The following PLXNB2 variants were observed in gnomAD, a reference collection of about 807,000 sequenced individuals.
PLXNB2 encodes plexin-B2.
A neutral mutation model predicts 202.6 loss-of-function variants in PLXNB2; 85 were observed. That is an observed-to-expected ratio of 0.42 (90% confidence interval 0.35 to 0.50). The LOEUF is 0.50. PLXNB2 is among the 20% of genes least tolerant of loss of function. The probability of loss-of-function intolerance (pLI) is 0.02; values close to 1 mark genes in which losing one functional copy is unlikely to be tolerated. For missense variants in PLXNB2, 2,063 were observed against 2,586.2 expected (o/e 0.80, Z 4.39); for synonymous variants, 1,239 against 1,137.6 (o/e 1.09, Z -1.79).
rs1242017173 is a variant in PLXNB2, at chr22:50,280,895, G to A, written c.3842C>T (p.Thr1281Ile). ...GGAGGGCAGGAAGAAGACGCGGTCGGTGTAGGTCTTGTAGTCCAGCACGGG... is the reference window on the plus strand; with the variant it reads ...GGAGGGCAGGAAGAAGACGCGGTCGATGTAGGTCTTGTAGTCCAGCACGGG... ...GIPVLDYKTY[T>I]DRVFFLPSKD... The change falls in exon 24 of 37, where the codon ACC becomes ATC. Residue 1281 changes from threonine (T) to isoleucine (I), a missense_variant. Transcript: ENST00000359337. The A allele has an allele frequency of 3.1e-6, 5 of 1,613,566 alleles. No individual in the cohort carries two copies. The highest frequency in any genetic ancestry group is 2.2e-5 in the South Asian group (2 of 91,090).
At chr22:50,278,718 C>G (rs1472748635) in intron 28 of PLXNB2, 22 bp from the exon 29 acceptor site, 1 of 1,601,060 alleles carries the variant, frequency 6.2e-7, no homozygotes, top group East Asian at 2.3e-5. Context: ...GACAGCCCAG[C>G]TTGGGCCCCA....
At position 50,302,674 on chromosome 22, in the gene PLXNB2, C is replaced by A. The variant is rs115367753; in HGVS notation, c.-74+4879G>T. ...CCAACATAGGAGTGGGGAGGCCAAG[C>A]CCCTCAGCTCCCCTGGCCAATCTCT... On this transcript the variant is annotated intron_variant, in intron 1 of 36. Transcript: ENST00000359337. Among the ~76,000 whole-genome samples, 1,380 of 152,274 alleles carry A rather than the reference C, an allele frequency of 9.1e-3. 32 individuals carry two copies. The highest frequency in any genetic ancestry group is 0.031 in the African/African-American group (1,303 of 41,554).
chr22:50,294,954 C>T (rs1326863837), intron 1 of PLXNB2, among the ~76,000 whole-genome samples, 176 bp from the exon 2 acceptor site: 2 of 152,222 alleles, frequency 1.3e-5, no homozygotes, highest in East Asian at 3.8e-4. Context: ...TCCAGGGCTC[C>T]TGGCACTCCC....
chr22:50,278,044 G>C, intron 31 of PLXNB2, 31 bp from the exon 32 acceptor site: 1 of 1,603,134 alleles, frequency 6.2e-7, no homozygotes, highest in Non-Finnish European at 8.5e-7. Flanking sequence ...GCGTGACGCC[G>C]TGGGCGCGGC....
Position 50,275,871 on chromosome 22 carries a change from C to T in PLXNB2, c.5412+18G>A. 6.2e-7 allele frequency: 1 copy of T among 1,610,978 alleles called. No individual in the cohort carries two copies. The highest frequency in any genetic ancestry group is 8.5e-7 in the Non-Finnish European group (1 of 1,178,464). On this transcript the variant is annotated intron_variant, in intron 36 of 36. Transcript: ENST00000359337. Reference sequence around the variant, plus strand: ...CCCAGCACCCCACCTGCCCCCGCCCCCGGGGGCCTGACCCTACCTCGTCAT... The same window carrying T: ...CCCAGCACCCCACCTGCCCCCGCCCTCGGGGGCCTGACCCTACCTCGTCAT...
intron 1 of PLXNB2, among the ~76,000 whole-genome samples, chr22:50,304,137 A>G (rs1174205462): frequency 1.3e-5 from 2 of 152,104 alleles, no homozygotes; most frequent in Non-Finnish European, 2.9e-5. Flanking sequence ...TGCGAAACAG[A>G]ACCCCCAGCT....
chr22:50,284,368 G>C lies in PLXNB2; in HGVS notation c.2182-155C>G. The C allele has an allele frequency of 1.3e-6, 1 of 770,980 alleles. No homozygotes were observed. The highest frequency in any genetic ancestry group is 2.1e-5 in the Admixed American group (1 of 47,946). The allele number at this position is 770,980 out of a possible 1,614,324, so 47.8% of individuals were successfully genotyped here. A position where few individuals can be genotyped will look rare whatever the true frequency, so the allele number is the denominator to read the frequency against. On this transcript the variant is annotated intron_variant, in intron 12 of 36. Transcript: ENST00000359337. This position sits in a 1 kb window ranked among gnomAD's most constrained non-coding sequence, Gnocchi z 8.0. ...GTGTCGGAAGTTCGGGAACCCCATG[G>C]ACGCTGCTCTGTGCCACTCTGTCCC...
At chr22:50,283,310 G>A (rs771457650) in intron 16 of PLXNB2, 27 bp downstream of exon 16, 36 of 1,610,426 alleles carry the variant, frequency 2.2e-5, no homozygotes, top group African/African-American at 2.7e-5. Context: ...TCCCGGGTTC[G>A]GCAGGTCCCC....
rs746223663 is a variant in PLXNB2, at chr22:50,283,626, G to A, written c.2546C>T (p.Pro849Leu). The A allele has an allele frequency of 2.2e-5, 36 of 1,612,636 alleles. No individual in the cohort carries two copies. The highest frequency in any genetic ancestry group is 1.6e-4 in the East Asian group (7 of 44,848). The change falls in exon 15 of 37, where the codon CCG becomes CTG. Residue 849 changes from proline (P) to leucine (L), a missense_variant. Around this residue, in one of 2 missense-constraint regions of PLXNB2, gnomAD observed 1,303 missense variants for 1,476.8 expected, o/e 0.88. Coordinates refer to ENST00000359337, the MANE Select transcript of PLXNB2 (RefSeq NM_012401.4). ...CCGGGTGGACACGGAGTAACGTTCC[G>A]GCTGAAAGGAGCAGTTCCGGCCGGC... ...SVAGRNCSFQPERYSVSTRIV... is the reference protein window; with the variant it reads ...SVAGRNCSFQLERYSVSTRIV...
chr22:50,281,308 G>A, intron 22 of PLXNB2, 52 bp downstream of exon 22: 1 of 1,600,754 alleles, frequency 6.2e-7, no homozygotes, highest in South Asian at 1.1e-5. Context: ...GAGGGGCCGA[G>A]GCGGGAGGGC....
Position 50,282,853 on chromosome 22 carries a change from C to T in PLXNB2, c.2845G>A (p.Val949Ile). 7 of 1,611,738 alleles carry T rather than the reference C, an allele frequency of 4.3e-6. No homozygotes were observed. Among genetic ancestry groups the T allele is most frequent in the Non-Finnish European group, 5.9e-6 (7 of 1,178,936 alleles). ...VTKFGAQLQC[V>I]TGPQATRGQM... The stretch of plus-strand genomic sequence containing the variant: ...CCCCGTGTCGCCTGGGGGCCAGTGA[C>T]ACACTGGAGCTGCGCCCCAAACTTC... The change falls in exon 18 of 37, where the codon GTC becomes ATC. Residue 949 changes from valine to isoleucine, a missense_variant. Val to Ile is a conservative substitution (Grantham distance 29, BLOSUM62 3). Around this residue, in one of 2 missense-constraint regions of PLXNB2, gnomAD observed 1,303 missense variants for 1,476.8 expected, o/e 0.88. Transcript: ENST00000359337.
At position 50,289,495 on chromosome 22, in the gene PLXNB2, G is replaced by GA; in HGVS notation, c.1068+21dup. The GA allele has an allele frequency of 1.3e-6, 2 of 1,585,794 alleles. No individual in the cohort carries two copies. Among genetic ancestry groups the GA allele is most frequent in the Admixed American group, 3.5e-5 (2 of 57,094 alleles). ...CGGACGCCTGCAGTCCGGGCCCTGC[G>GA]AGAACACACTGAGGCCCATACCGGC... On this transcript the variant is annotated intron_variant, in intron 3 of 36. Transcript: ENST00000359337. This position sits in a 1 kb window ranked among gnomAD's most constrained non-coding sequence, Gnocchi z 8.0.
rs1443192151 is a variant in PLXNB2, at chr22:50,290,147, G to A, written c.438C>T (p.Ser146=). ...CCACTGTGGCCACGCCCTCATCATT[G>A]CTGGCCACGAAAGACTTCTCCCCGC... ...DGSGEKSFVA[S]NDEGVATVGL... is the part of the protein sequence containing the mutation. Residue 146 remains serine (S), a synonymous_variant, in exon 3 of 37, where the codon AGC becomes AGT. Transcript: ENST00000359337. The A allele has an allele frequency of 3.1e-6, 5 of 1,612,824 alleles. No individual in the cohort carries two copies. In the African/African-American group the frequency reaches 5.3e-5, roughly 17 times the overall value.
At position 50,306,685 on chromosome 22, in the gene PLXNB2, CCT is replaced by C. The variant is rs1381697530; in HGVS notation, c.-74+866_-74+867del. 1.0e-3 allele frequency among the ~76,000 whole-genome samples: 33 copies of C among 32,022 alleles called. No individual in the cohort carries two copies. In the East Asian group the frequency reaches 0.026, roughly 26 times the overall value. 21.0% of individuals were successfully genotyped at this position (32,022 alleles called of 152,430 possible). A position where few individuals can be genotyped will look rare whatever the true frequency, so the allele number is the denominator to read the frequency against. On this transcript the variant is annotated intron_variant, in intron 1 of 36. Transcript: ENST00000359337. Reference sequence around the variant, plus strand: ...GGGATCTGCCGGGTTTGGGGCCCACCCTCACCCTCACCCTCACCCTCACCCTC... The same window carrying C: ...GGGATCTGCCGGGTTTGGGGCCCACCCACCCTCACCCTCACCCTCACCCTC...
rs768576614 is a variant in PLXNB2, at chr22:50,288,739, T to G, written c.1380+4A>C. ...AGTGCTCTCCGGGGCTGCGTCTGGCTCACCTTGTCCTGGGTCATGGCGTAC... is the reference window on the plus strand; with the variant it reads ...AGTGCTCTCCGGGGCTGCGTCTGGCGCACCTTGTCCTGGGTCATGGCGTAC... On this transcript the variant is annotated splice_donor_region_variant and intron_variant, in intron 5 of 36. Transcript: ENST00000359337. This position sits in a 1 kb window ranked among gnomAD's most constrained non-coding sequence, Gnocchi z 5.0. 1 of 1,612,800 alleles carries G rather than the reference T, an allele frequency of 6.2e-7. No homozygotes were observed. The highest frequency in any genetic ancestry group is 8.5e-7 in the Non-Finnish European group (1 of 1,179,906).
At position 50,276,853 on chromosome 22, in the gene PLXNB2, C is replaced by T. The variant is rs377732938; in HGVS notation, c.5250G>A (p.Lys1750=). ...GCAGGCAGACTTACTCCTCCACCAT[C>T]TTCTTGTAGGTGGAGATCTCCTTGG... ...LYAKEISTYK[K]MVEDYYKGIR... is the part of the protein sequence containing the mutation. The change falls in exon 34 of 37, where the codon AAG becomes AAA. Residue 1750 remains lysine, a synonymous_variant. Transcript: ENST00000359337. 111 of 1,607,552 alleles carry T rather than the reference C, an allele frequency of 6.9e-5. No homozygotes were observed. In the African/African-American group the frequency reaches 1.3e-3, roughly 20 times the overall value.
At chr22:50,276,385 C>G (rs1378739032) in intron 35 of PLXNB2, among the ~76,000 whole-genome samples, 3 of 149,014 alleles carry the variant, frequency 2.0e-5, no homozygotes, top group East Asian at 4.0e-4. Context: ...GCTGTGGGCA[C>G]GGCCGTGGGT....
rs886896727 is a variant in PLXNB2 at position 50,288,266 on chromosome 22, G to A, written c.1381-229C>T. Among the ~76,000 whole-genome samples the A allele has an allele frequency of 6.6e-6, 1 of 152,126 alleles. No homozygotes were observed. The highest frequency in any genetic ancestry group is 2.4e-5 in the African/African-American group (1 of 41,418). ...GGAGGTCTTGGCTATGGTGTCTCCC[G>A]GGGCAGCTCCTGTCCTCTACACTGG... On this transcript the variant is annotated intron_variant, in intron 5 of 36. Transcript: ENST00000359337. The surrounding 1 kb of genome is among the most constrained non-coding windows in gnomAD (Gnocchi z 5.0).
chr22:50,300,351 C>CAGCTCCGCCCCGCCGATGGT (rs2067605120), intron 1 of PLXNB2: 1 of 984,106 alleles, frequency 1.0e-6, no homozygotes, highest in Non-Finnish European at 1.2e-6. Flanking sequence ...GCGCGGGGAG[C>CAGCTCCGCCCCGCCGATGGT]AGCTCCGCCC....
Sources: allele counts gnomAD v4.1 joint callset (sites outside exome capture counted in the v4.1 genomes callset), GRCh38; gene constraint gnomAD v4.1.1; regional missense constraint gnomAD v4.1.1; non-coding constraint Gnocchi (gnomAD v3.1); transcripts MANE v1.5; gene names NCBI Gene and HGNC (gene_info 2026-07-23, HGNC 2026-07-21).